Variants in TIMD4 observed in about 807,000 individuals in gnomAD.
TIMD4 encodes the protein T-cell immunoglobulin and mucin domain-containing protein 4.
TIMD4 carries 31 observed loss-of-function variants against 41.2 expected under a neutral mutation model. That is an observed-to-expected ratio of 0.75 (90% confidence interval 0.57 to 1.01). The LOEUF is 1.01. Among genes scored for constraint, TIMD4 ranks in the 50% least tolerant of loss-of-function variants. The pLI, the probability that TIMD4 is intolerant of heterozygous loss-of-function variation, is 0.00. For missense variants in TIMD4, 479 were observed against 472.5 expected, an observed-to-expected ratio of 1.01 and a Z score of -0.13; for synonymous variants, 204 against 177.1, an observed-to-expected ratio of 1.15 and a Z score of -1.21.
chr5:156,956,411 A>G (rs1363232), intron 1 of TIMD4, among the ~76,000 whole-genome samples: 97,950 of 152,070 alleles, frequency 0.64, 32,054 homozygotes, highest in East Asian at 0.86. Flanking sequence ...AAAATGAAGC[A>G]TGAGTGTGTT....
intron 5 of TIMD4, among the ~76,000 whole-genome samples, chr5:156,933,066 C>A (rs982832464): frequency 6.6e-6 from 1 of 151,414 alleles, no homozygotes; most frequent in African/African-American, 2.4e-5. Flanking sequence ...TCACATTGTT[C>A]TATCGAATAT....
intron 5 of TIMD4, among the ~76,000 whole-genome samples, chr5:156,936,558 T>G (rs1299292628): frequency 6.6e-6 from 1 of 152,122 alleles, no homozygotes; most frequent in African/African-American, 2.4e-5. Context: ...ATCATTTAAC[T>G]TCAAAGCCCA....
chr5:156,933,721 T>C (rs989460829), intron 5 of TIMD4, among the ~76,000 whole-genome samples: 3 of 151,912 alleles, frequency 2.0e-5, no homozygotes, highest in African/African-American at 7.2e-5. Flanking sequence ...GCCCAGCTAA[T>C]TTTTGTATTT....
chr5:156,954,421 G>A lies in TIMD4; in HGVS notation c.394C>T (p.Gln132Ter). The change falls in exon 2 of 9, where the codon CAG (glutamine) becomes TAG (stop). Residue 132 changes from glutamine to a stop codon, truncating the protein, a stop_gained. Transcript: ENST00000274532. LOFTEE classifies it high-confidence loss of function. The stretch of plus-strand genomic sequence containing the variant: ...AGGCCCTTCGTGTGCTTACCTCTCT[G>A]TAGATTCAGGCGCACGTTTATCTTT... The part of the protein sequence containing the change: ...DVKINVRLNL[Q>*]RASTTTHRTA... 2 of 1,612,906 alleles carry A rather than the reference G, an allele frequency of 1.2e-6. No individual in the cohort carries two copies. The highest frequency in any genetic ancestry group is 1.7e-6 in the Non-Finnish European group (2 of 1,179,376).
At chr5:156,943,840 A>G (rs1759688962) in intron 5 of TIMD4, among the ~76,000 whole-genome samples, 1 of 151,782 alleles carries the variant, frequency 6.6e-6, no homozygotes, top group Non-Finnish European at 1.5e-5. Flanking sequence ...TCACAAGGTC[A>G]GGAGTTTGAG....
intron 5 of TIMD4, among the ~76,000 whole-genome samples, chr5:156,947,687 T>C (rs1044786923): frequency 1.3e-5 from 2 of 152,226 alleles, no homozygotes; most frequent in African/African-American, 2.4e-5. Context: ...ATGCTGCATA[T>C]AGCATGATAA....
At chr5:156,948,346 T>G in intron 5 of TIMD4, 70 bp downstream of exon 5, 1 of 921,984 alleles carries the variant, frequency 1.1e-6, no homozygotes, top group Non-Finnish European at 1.4e-6. Flanking sequence ...AAAGCAAGAT[T>G]CTGTCTAAAA....
At chr5:156,930,293 C>T (rs948764957) in intron 5 of TIMD4, among the ~76,000 whole-genome samples, 1 of 152,144 alleles carries the variant, frequency 6.6e-6, no homozygotes, top group Non-Finnish European at 1.5e-5. Context: ...ACAAGCAACC[C>T]TATGAGACAG....
chr5:156,938,379 C>T (rs1319545511), intron 5 of TIMD4, among the ~76,000 whole-genome samples: 1 of 152,134 alleles, frequency 6.6e-6, no homozygotes, highest in Non-Finnish European at 1.5e-5. Flanking sequence ...GCCAGAGGTT[C>T]TCATCTGCAA....
intron 1 of TIMD4, among the ~76,000 whole-genome samples, chr5:156,955,467 T>C (rs1759954549): frequency 6.6e-6 from 1 of 152,218 alleles, no homozygotes; most frequent in African/African-American, 2.4e-5. Flanking sequence ...CCATCCTGGC[T>C]AACACAGTGA....
chr5:156,943,981 AC>A (rs1759691659), intron 5 of TIMD4, among the ~76,000 whole-genome samples: 1 of 151,142 alleles, frequency 6.6e-6, no homozygotes, highest in Admixed American at 6.6e-5. Flanking sequence ...AATCGCTTGA[AC>A]CCAGGAGGCA....
intron 1 of TIMD4, among the ~76,000 whole-genome samples, chr5:156,955,744 C>T (rs1468580029): frequency 6.6e-6 from 1 of 151,994 alleles, no homozygotes; most frequent in Non-Finnish European, 1.5e-5. Flanking sequence ...ATTTCCTTCT[C>T]TCCTTTCAGT....
At chr5:156,958,387 A>T (rs1760020369) in intron 1 of TIMD4, among the ~76,000 whole-genome samples, 1 of 134,980 alleles carries the variant, frequency 7.4e-6, no homozygotes, top group Admixed American at 7.5e-5. Context: ...AGGAAAGGAA[A>T]GGATCCAATA....
chr5:156,919,541 C>T lies in TIMD4; in HGVS notation c.1053G>A (p.Arg351=). 1 of 1,613,140 alleles carries T rather than the reference C, an allele frequency of 6.2e-7. No homozygotes were observed. Among genetic ancestry groups the T allele is most frequent in the Non-Finnish European group, 8.5e-7 (1 of 1,179,446 alleles). Residue 351 remains arginine (R), a splice_region_variant and synonymous_variant, in exon 9 of 9, where the codon AGG becomes AGA. Transcript: ENST00000274532. The part of the protein sequence containing the change: ...METYCSQKHT[R]LDYIGDSKNV... ...TTTTACTATCTCCAATGTAGTCTAG[C>T]CTGTAAACAGAAAAGAGGGGCTCAT...
At chr5:156,927,761 G>T (rs1202455810) in intron 5 of TIMD4, among the ~76,000 whole-genome samples, 1 of 152,140 alleles carries the variant, frequency 6.6e-6, no homozygotes, top group Non-Finnish European at 1.5e-5. Flanking sequence ...TGAGACACCT[G>T]GCCATGGCCT....
At chr5:156,947,179 C>T (rs941234921) in intron 5 of TIMD4, among the ~76,000 whole-genome samples, 1 of 150,850 alleles carries the variant, frequency 6.6e-6, no homozygotes, top group Non-Finnish European at 1.5e-5. Context: ...ACTTGGGCTA[C>T]AGAGTGAGGC....
chr5:156,934,767 A>G (rs555535548), intron 5 of TIMD4, among the ~76,000 whole-genome samples: 2 of 152,322 alleles, frequency 1.3e-5, no homozygotes, highest in East Asian at 3.9e-4. Context: ...GCATATTATA[A>G]TCCTACTTGA....
At chr5:156,939,437 A>G (rs892806904) in intron 5 of TIMD4, among the ~76,000 whole-genome samples, 1 of 152,212 alleles carries the variant, frequency 6.6e-6, no homozygotes, top group African/African-American at 2.4e-5. Context: ...GAGAATATAC[A>G]TGAAAGTATT....
At position 156,948,460 on chromosome 5, in the gene TIMD4, G is replaced by C; in HGVS notation, c.800C>G (p.Ser267Ter). 1 of 1,555,582 alleles carries C rather than the reference G, an allele frequency of 6.4e-7. No individual in the cohort carries two copies. The highest frequency in any genetic ancestry group is 8.7e-7 in the Non-Finnish European group (1 of 1,150,236). Residue 267 changes from serine (S) to a stop codon, truncating the protein, a stop_gained, in exon 5 of 9, where the codon TCA (serine) becomes TGA (stop). Coordinates refer to ENST00000274532, the MANE Select transcript of TIMD4 (RefSeq NM_138379.3). LOFTEE classifies it high-confidence loss of function. ...VWDLPSTSHV[S>*]MWKTSDSVSS... The stretch of plus-strand genomic sequence containing the variant: ...CACAGAATCACTCGTTTTCCACATT[G>C]ACACGTGGGATGTTGATGGGAGATC...
Sources: gnomAD v4.1 joint callset for allele counts (sites outside exome capture counted in the v4.1 genomes callset) on GRCh38, gnomAD v4.1.1 for gene constraint, MANE v1.5 for transcripts, NCBI Gene and HGNC (gene_info 2026-07-23, HGNC 2026-07-21) for gene names.